Variants in SNX29 observed in about 807,000 individuals in gnomAD.
SNX29 encodes the protein sorting nexin 29, also known as sorting nexin-29.
In SNX29, 78 loss-of-function variants were observed where a neutral mutation model predicts 102.1. The observed-to-expected ratio is 0.76, with a 90% CI of 0.64 to 0.92. The LOEUF is 0.92. Among genes scored for constraint, SNX29 ranks in the 40% least tolerant of loss-of-function variants. The probability of loss-of-function intolerance (pLI) is 0.00; values close to 1 mark genes in which losing one functional copy is unlikely to be tolerated. For synonymous variants in SNX29, 580 were observed against 414.5 expected (o/e 1.40, Z -4.85); for missense variants, 1,280 against 1,061.7 (o/e 1.21, Z -2.86).
chr16:12,050,169 T>C (rs7192491), intron 7 of SNX29, among the ~76,000 whole-genome samples: 107,653 of 152,018 alleles, frequency 0.71, 38,878 homozygotes, highest in African/African-American at 0.82. Context: ...GAGTAGAAGT[T>C]CCACCCATTT....
In SNX29 at chr16:12,568,561, T is replaced by C; in HGVS notation, c.2374T>C (p.Phe792Leu). ...VNSRPKAASRFPKLSRGQPRE... is the reference protein window; with the variant it reads ...VNSRPKAASRLPKLSRGQPRE... ...CAGCCGGCCCAAAGCAGCTTCCCGC[T>C]TCCCCAAACTGTCCCGGGGTCAGCC... Residue 792 changes from phenylalanine (F) to leucine (L), a missense_variant, in exon 21 of 21, where the codon TTC (phenylalanine) becomes CTC (leucine). Phe to Leu is a conservative substitution (Grantham distance 22). Coordinates refer to ENST00000566228, the MANE Select transcript of SNX29 (RefSeq NM_032167.5). 1 of 1,609,214 alleles carries C rather than the reference T, an allele frequency of 6.2e-7. No individual in the cohort carries two copies. Among genetic ancestry groups the C allele is most frequent in the Non-Finnish European group, 8.5e-7 (1 of 1,179,834 alleles).
At chr16:12,360,511 G>T (rs780727011) in intron 16 of SNX29, among the ~76,000 whole-genome samples, 1 of 152,124 alleles carries the variant, frequency 6.6e-6, no homozygotes, top group South Asian at 2.1e-4. Flanking sequence ...TTGCCCCAAC[G>T]ATGTCACAGG....
chr16:12,559,597 T>G (rs2078596280), intron 20 of SNX29, among the ~76,000 whole-genome samples: 1 of 152,058 alleles, frequency 6.6e-6, no homozygotes, highest in African/African-American at 2.4e-5. Context: ...CCAAAAAGGT[T>G]GGGGACTGCT....
Position 12,562,766 on chromosome 16 carries a change from C to G in SNX29, c.2319-5740C>G, listed in dbSNP as rs572243085. On this transcript the variant is annotated intron_variant, in intron 20 of 20. Transcript: ENST00000566228. ...ATAGTTCCTTGAGTTTTCACAAAGG[C>G]TTGGAGTCCTTTAGCCATCACCATC... Among the ~76,000 whole-genome samples, 4 of 152,276 alleles carry G rather than the reference C, an allele frequency of 2.6e-5. No homozygotes were observed. In the East Asian group the frequency reaches 5.8e-4, roughly 22 times the overall value.
intron 19 of SNX29, among the ~76,000 whole-genome samples, chr16:12,495,140 A>G (rs16959753): frequency 0.045 from 6,784 of 151,992 alleles, 322 homozygotes; most frequent in East Asian, 0.23. Context: ...GCAGGTCTCA[A>G]TGGCAATTCT....
chr16:12,526,684 C>T, intron 20 of SNX29: 1 of 504,332 alleles, frequency 2.0e-6, no homozygotes, highest in Non-Finnish European at 3.8e-6. Context: ...CGACTGAATT[C>T]CCTGGTGAAA....
intron 18 of SNX29, among the ~76,000 whole-genome samples, chr16:12,453,145 C>T (rs1475883883): frequency 1.3e-5 from 2 of 152,196 alleles, no homozygotes; most frequent in African/African-American, 2.4e-5. Context: ...ACAGACGAAC[C>T]AACTGCTGTA....
At chr16:12,165,920 A>G (rs933516824) in intron 13 of SNX29, among the ~76,000 whole-genome samples, 1 of 152,210 alleles carries the variant, frequency 6.6e-6, no homozygotes, top group Non-Finnish European at 1.5e-5. Context: ...CACACTAGCC[A>G]TGTGACCTTG....
chr16:12,340,685 C>A (rs2081586203), intron 15 of SNX29, among the ~76,000 whole-genome samples: 1 of 152,134 alleles, frequency 6.6e-6, no homozygotes, highest in African/African-American at 2.4e-5. Flanking sequence ...CGGGAGGGAC[C>A]AGAAGGGACG....
chr16:12,354,932 C>G (rs1444471509), intron 15 of SNX29, among the ~76,000 whole-genome samples: 1 of 152,300 alleles, frequency 6.6e-6, no homozygotes, highest in African/African-American at 2.4e-5. Context: ...TTTTCACTTA[C>G]TATTTCATAT....
chr16:12,164,182 G>A (rs757861119), intron 13 of SNX29, among the ~76,000 whole-genome samples: 7 of 152,142 alleles, frequency 4.6e-5, no homozygotes, highest in Non-Finnish European at 8.8e-5. Context: ...AAGGGCATAT[G>A]CAAAGGCCCT....
chr16:12,058,810 T>G lies in SNX29; in HGVS notation c.1125-2718T>G, dbSNP rs1407527343. 8.0e-4 allele frequency among the ~76,000 whole-genome samples: 116 copies of G among 144,640 alleles called. 3 individuals carry two copies. The highest frequency in any genetic ancestry group is 2.2e-3 in the African/African-American group (86 of 39,358). 94.9% of individuals were successfully genotyped at this position (144,640 alleles called of 152,430 possible). A position where few individuals can be genotyped will look rare whatever the true frequency, so the allele number is the denominator to read the frequency against. On this transcript the variant is annotated intron_variant, in intron 8 of 20. Transcript: ENST00000566228. ...CACCCGGCCTGGGTTTTTTTTTTTT[T>G]TTTTTTTTTTTTTTCTCTGTGGCCC...
intron 15 of SNX29, among the ~76,000 whole-genome samples, chr16:12,309,129 T>C (rs555861609): frequency 6.6e-6 from 1 of 152,324 alleles, no homozygotes; most frequent in Admixed American, 6.5e-5. Context: ...TCTGCAACCC[T>C]GCTGTGATTT....
At chr16:12,202,356 C>T (rs150596914) in intron 14 of SNX29, among the ~76,000 whole-genome samples, 2 of 152,120 alleles carry the variant, frequency 1.3e-5, no homozygotes, top group African/African-American at 2.4e-5. Context: ...TTTTCTTCCC[C>T]GAATGTGGTC....
intron 18 of SNX29, among the ~76,000 whole-genome samples, chr16:12,470,261 C>G (rs923095955): frequency 6.6e-6 from 1 of 152,186 alleles, no homozygotes; most frequent in African/African-American, 2.4e-5. Flanking sequence ...GGCATTTGGT[C>G]TATGCTGCAG....
intron 19 of SNX29, among the ~76,000 whole-genome samples, chr16:12,485,369 C>G (rs2088176351): frequency 6.6e-6 from 1 of 152,180 alleles, no homozygotes; most frequent in African/African-American, 2.4e-5. Context: ...ACTGTCATTC[C>G]TTCTTAGGAT....
chr16:12,381,745 A>C (rs1597166861), intron 16 of SNX29, among the ~76,000 whole-genome samples: 4 of 45,578 alleles, frequency 8.8e-5, no homozygotes, highest in Non-Finnish European at 1.2e-4. Flanking sequence ...AACCCACCCC[A>C]CCCATCATCC....
At chr16:12,380,131 T>G (rs1268339717) in intron 16 of SNX29, among the ~76,000 whole-genome samples, 1 of 140,218 alleles carries the variant, frequency 7.1e-6, no homozygotes, top group Non-Finnish European at 1.5e-5. Context: ...CACCAGCACA[T>G]GAGACCCCAG....
At chr16:12,090,702 A>G (rs960160715) in intron 11 of SNX29, among the ~76,000 whole-genome samples, 1 of 152,162 alleles carries the variant, frequency 6.6e-6, no homozygotes, top group African/African-American at 2.4e-5. Flanking sequence ...GGGCAATTCT[A>G]GATTTTCCTT....
Sources: allele counts gnomAD v4.1 joint callset (sites outside exome capture counted in the v4.1 genomes callset), GRCh38; gene constraint gnomAD v4.1.1; transcripts MANE v1.5; gene names NCBI Gene and HGNC (gene_info 2026-07-23, HGNC 2026-07-21).